GALNTL6: variants seen among roughly 807,000 people sequenced by gnomAD.
GALNTL6 encodes the protein polypeptide N-acetylgalactosaminyltransferase like 6.
Under a neutral mutation model 73.7 loss-of-function variants are expected in GALNTL6, and 46 were observed. The ratio of observed to expected loss-of-function variants is 0.62; its 90% CI spans 0.49 to 0.80. The LOEUF is 0.80. Ranked by LOEUF, GALNTL6 falls within the 30% of genes least tolerant of loss-of-function variation. The pLI, the probability that GALNTL6 is intolerant of heterozygous loss-of-function variation, is 0.00. For missense variants in GALNTL6, 604 were observed against 755.0 expected (o/e 0.80, Z 2.34); for synonymous variants, 259 against 263.7 (o/e 0.98, Z 0.17).
rs1742154245 is a variant in GALNTL6, at chr4:172,356,267, T to G, written c.553+7578T>G. ...CAGTGTGAAACCATTTTATGCATGT[T>G]GGGCTTCAGATCTTGGGCAGGCATA... is the stretch of plus-strand genomic sequence containing the variant. On this transcript the variant is annotated intron_variant, in intron 5 of 12. Transcript: ENST00000506823. Among the ~76,000 whole-genome samples the G allele has an allele frequency of 2.0e-5, 3 of 152,190 alleles. No individual in the cohort carries two copies. The South Asian group carries it at 6.2e-4, about 31-fold the overall frequency.
chr4:171,880,604 C>T (rs1200617282), intron 2 of GALNTL6, among the ~76,000 whole-genome samples: 1 of 152,100 alleles, frequency 6.6e-6, no homozygotes, highest in Non-Finnish European at 1.5e-5. Context: ...AATAACAACA[C>T]TCACAAGATG....
chr4:172,681,437 A>G (rs1445202728), intron 5 of GALNTL6, among the ~76,000 whole-genome samples: 2 of 152,202 alleles, frequency 1.3e-5, no homozygotes, highest in East Asian at 1.9e-4. Flanking sequence ...TGTATAATCT[A>G]TATACTGAGA....
intron 7 of GALNTL6, among the ~76,000 whole-genome samples, chr4:172,843,442 A>G (rs1478641531): frequency 6.6e-6 from 1 of 152,132 alleles, no homozygotes; most frequent in Non-Finnish European, 1.5e-5. Context: ...TTCAGTATCC[A>G]TTTACTCTGC....
intron 2 of GALNTL6, among the ~76,000 whole-genome samples, chr4:172,226,593 GTGTGTGTGTTTC>G (rs1422839041): frequency 4.3e-5 from 2 of 46,098 alleles, no homozygotes; most frequent in African/African-American, 8.6e-5. Context: ...GTGTGTCTGT[GTGTGTGTGTTTC>G]TGTGTGTGTG....
intron 2 of GALNTL6, among the ~76,000 whole-genome samples, chr4:171,993,449 T>C (rs1243656716): frequency 6.6e-6 from 1 of 152,152 alleles, no homozygotes; most frequent in Non-Finnish European, 1.5e-5. Context: ...ACAACGGAGC[T>C]GTGTCATGCT....
At chr4:173,038,314 C>G (rs189379452) in intron 12 of GALNTL6, among the ~76,000 whole-genome samples, 3 of 152,282 alleles carry the variant, frequency 2.0e-5, no homozygotes, top group Admixed American at 1.3e-4. Flanking sequence ...GCCTGAGGAG[C>G]CACAGCAGCG....
intron 5 of GALNTL6, among the ~76,000 whole-genome samples, chr4:172,802,999 T>C (rs1262926262): frequency 6.6e-6 from 1 of 152,220 alleles, no homozygotes; most frequent in African/African-American, 2.4e-5. Flanking sequence ...GCTCAGATGG[T>C]ATATAAGCTC....
chr4:172,604,964 C>T (rs1479084654), intron 5 of GALNTL6, among the ~76,000 whole-genome samples: 5 of 152,166 alleles, frequency 3.3e-5, no homozygotes, highest in Non-Finnish European at 7.3e-5. Context: ...CCCTTTGTTT[C>T]CAAATAATTC....
intron 2 of GALNTL6, among the ~76,000 whole-genome samples, chr4:172,175,345 C>T (rs749074366): frequency 6.6e-6 from 1 of 152,170 alleles, no homozygotes; most frequent in Non-Finnish European, 1.5e-5. Context: ...TGATTATAGG[C>T]GTGAGTCTCC....
intron 2 of GALNTL6, among the ~76,000 whole-genome samples, chr4:171,891,255 C>T (rs1736752294): frequency 6.6e-6 from 1 of 152,138 alleles, no homozygotes; most frequent in Admixed American, 6.5e-5. Context: ...AAAACATTTT[C>T]TTTCAGACCA....
At chr4:172,634,990 A>G (rs1358850186) in intron 5 of GALNTL6, among the ~76,000 whole-genome samples, 3 of 152,194 alleles carry the variant, frequency 2.0e-5, no homozygotes, top group African/African-American at 7.2e-5. Context: ...GATGGCTTAC[A>G]TCAATTTAGT....
At chr4:172,696,503 T>C (rs1225600336) in intron 5 of GALNTL6, among the ~76,000 whole-genome samples, 1 of 152,176 alleles carries the variant, frequency 6.6e-6, no homozygotes, top group Non-Finnish European at 1.5e-5. Flanking sequence ...TAGCTCCCCA[T>C]AATTCCCACG....
At chr4:172,130,988 A>G (rs1733474030) in intron 2 of GALNTL6, among the ~76,000 whole-genome samples, 1 of 152,046 alleles carries the variant, frequency 6.6e-6, no homozygotes, top group African/African-American at 2.4e-5. Context: ...TTTAAGTTGA[A>G]ACAACATTGC....
At chr4:172,898,320 ACACACG>A (rs1438156787) in intron 8 of GALNTL6, among the ~76,000 whole-genome samples, 4 of 149,494 alleles carry the variant, frequency 2.7e-5, no homozygotes, top group South Asian at 4.2e-4. Context: ...ACACACACAC[ACACACG>A]TATAAGATAA....
chr4:172,959,883 T>C (rs1346906317), intron 10 of GALNTL6, among the ~76,000 whole-genome samples: 2 of 152,180 alleles, frequency 1.3e-5, no homozygotes, highest in Non-Finnish European at 2.9e-5. Context: ...TGCTGCGGTT[T>C]AGGCGTTTGG....
At chr4:172,421,691 A>G (rs1408678169) in intron 5 of GALNTL6, among the ~76,000 whole-genome samples, 1 of 152,080 alleles carries the variant, frequency 6.6e-6, no homozygotes, top group Non-Finnish European at 1.5e-5. Context: ...ATTCTTGAGG[A>G]TGTTTCAGGT....
At chr4:172,295,531 G>GTTT (rs58721038) in intron 3 of GALNTL6, among the ~76,000 whole-genome samples, 3 of 73,130 alleles carry the variant, frequency 4.1e-5, no homozygotes, top group African/African-American at 5.9e-5. Context: ...CTTTTTTTAG[G>GTTT]TTTTTTTTTT....
At chr4:172,625,117 C>T (rs1482050400) in intron 5 of GALNTL6, among the ~76,000 whole-genome samples, 1 of 151,980 alleles carries the variant, frequency 6.6e-6, no homozygotes, top group Non-Finnish European at 1.5e-5. Flanking sequence ...AATATACTCA[C>T]TACATGCTGC....
intron 5 of GALNTL6, among the ~76,000 whole-genome samples, chr4:172,736,575 G>T (rs542418846): frequency 6.6e-6 from 1 of 152,314 alleles, no homozygotes; most frequent in East Asian, 1.9e-4. Flanking sequence ...TACATCCTCA[G>T]CTTATGAAGA....
Sources: allele counts gnomAD v4.1 joint callset (sites outside exome capture counted in the v4.1 genomes callset), GRCh38; gene constraint gnomAD v4.1.1; transcripts MANE v1.5; gene names NCBI Gene and HGNC (gene_info 2026-07-23, HGNC 2026-07-21).